Variants in PXT1 observed in about 807,000 individuals in gnomAD.
PXT1 encodes peroxisomal testis-specific protein 1.
Under a neutral mutation model 11.0 loss-of-function variants are expected in PXT1, and 11 were observed. That is an observed-to-expected ratio of 1.00 (90% confidence interval 0.63 to 1.66). The LOEUF is 1.66. Among genes scored for constraint, PXT1 ranks in the 40% most tolerant of loss-of-function variants. PXT1 has a pLI of 0.00. For missense variants in PXT1, 141 were observed against 155.5 expected, an observed-to-expected ratio of 0.91 and a Z score of 0.49; for synonymous variants, 43 against 51.4, an observed-to-expected ratio of 0.84 and a Z score of 0.70.
intron 3 of PXT1, among the ~76,000 whole-genome samples, chr6:36,423,906 G>C (rs569243726): frequency 6.6e-6 from 1 of 152,320 alleles, no homozygotes; most frequent in South Asian, 2.1e-4. Context: ...GGTAAAACGG[G>C]AGTTCTAGGC....
chr6:36,398,767 T>A (rs1357867699), intron 4 of PXT1, among the ~76,000 whole-genome samples: 2 of 152,214 alleles, frequency 1.3e-5, no homozygotes, highest in Non-Finnish European at 2.9e-5. Flanking sequence ...TTCTCATGGC[T>A]AGCTCCTTCA....
At chr6:36,398,824 G>T (rs1022112753) in intron 4 of PXT1, among the ~76,000 whole-genome samples, 1 of 150,708 alleles carries the variant, frequency 6.6e-6, no homozygotes, top group African/African-American at 2.5e-5. Context: ...TGCCTTCCCT[G>T]ACAGCCCATT....
chr6:36,396,519 C>G (rs376482557), intron 4 of PXT1, among the ~76,000 whole-genome samples: 1 of 152,224 alleles, frequency 6.6e-6, no homozygotes, highest in Admixed American at 6.5e-5. Flanking sequence ...TCCCGCATGG[C>G]GCCGGAGGCA....
chr6:36,417,427 G>A (rs928729441), intron 3 of PXT1, among the ~76,000 whole-genome samples: 6 of 151,696 alleles, frequency 4.0e-5, no homozygotes, highest in East Asian at 1.9e-4. Context: ...GCCATGTCAC[G>A]GAGTCAATGA....
intron 3 of PXT1, among the ~76,000 whole-genome samples, chr6:36,412,865 A>T (rs1435737718): frequency 2.0e-5 from 3 of 152,030 alleles, no homozygotes; most frequent in African/African-American, 7.2e-5. Context: ...AAAAAATATG[A>T]TCGCCAAAAT....
intron 3 of PXT1, among the ~76,000 whole-genome samples, chr6:36,401,047 T>C (rs1040253572): frequency 3.9e-5 from 6 of 151,968 alleles, no homozygotes; most frequent in African/African-American, 1.5e-4. Flanking sequence ...ATAGATCAGC[T>C]CTCTCCAATA....
At chr6:36,401,411 A>G (rs2127410785) in intron 3 of PXT1, among the ~76,000 whole-genome samples, 1 of 152,242 alleles carries the variant, frequency 6.6e-6, no homozygotes. Context: ...AACTGGGAGG[A>G]TCACTTGAGC....
chr6:36,401,524 G>A (rs557789049), intron 3 of PXT1, among the ~76,000 whole-genome samples: 2 of 151,818 alleles, frequency 1.3e-5, no homozygotes, highest in East Asian at 3.9e-4. Context: ...AGCTGACATG[G>A]GAGAATTGCT....
chr6:36,418,427 T>A (rs540792791), intron 3 of PXT1, among the ~76,000 whole-genome samples: 1 of 152,280 alleles, frequency 6.6e-6, no homozygotes, highest in Admixed American at 6.5e-5. Context: ...TTGTATTCAT[T>A]CATTTATTCA....
intron 3 of PXT1, among the ~76,000 whole-genome samples, chr6:36,407,957 C>CTTT (rs61251776): frequency 7.3e-6 from 1 of 136,148 alleles, no homozygotes; most frequent in Non-Finnish European, 1.6e-5. Flanking sequence ...CTTTTTCTTT[C>CTTT]TTTTTTTTTT....
chr6:36,431,548 C>T (rs1424767530), intron 2 of PXT1, among the ~76,000 whole-genome samples: 1 of 152,154 alleles, frequency 6.6e-6, no homozygotes, highest in African/African-American at 2.4e-5. Flanking sequence ...GGGCTGATCA[C>T]TTGAGATCAG....
chr6:36,429,134 C>T (rs1435019892), intron 2 of PXT1, among the ~76,000 whole-genome samples: 4 of 146,398 alleles, frequency 2.7e-5, no homozygotes, highest in Admixed American at 7.0e-5. Context: ...CTAGTGGTTG[C>T]GCACACCTGT....
chr6:36,414,059 T>G (rs1326114987), intron 3 of PXT1, among the ~76,000 whole-genome samples: 1 of 152,190 alleles, frequency 6.6e-6, no homozygotes, highest in Non-Finnish European at 1.5e-5. Flanking sequence ...TTTGCACACA[T>G]GCAAGGACTC....
At chr6:36,396,980 G>A (rs760877244) in intron 4 of PXT1, among the ~76,000 whole-genome samples, 6 of 113,476 alleles carry the variant, frequency 5.3e-5, no homozygotes, top group Non-Finnish European at 1.3e-4. Context: ...GCAAAGAGGA[G>A]CTACTCTCTC....
At chr6:36,428,217 G>A (rs183964091) in intron 2 of PXT1, among the ~76,000 whole-genome samples, 4 of 152,168 alleles carry the variant, frequency 2.6e-5, no homozygotes, top group East Asian at 1.9e-4. Context: ...AGGCTGAGGC[G>A]GGCGGATCAT....
At chr6:36,395,116 T>G (rs941479293) in intron 4 of PXT1, among the ~76,000 whole-genome samples, 2 of 152,170 alleles carry the variant, frequency 1.3e-5, no homozygotes, top group African/African-American at 4.8e-5. Context: ...TGAGCCACTG[T>G]GCCCGGCCTA....
At chr6:36,401,958 A>G (rs1270476832) in intron 3 of PXT1, among the ~76,000 whole-genome samples, 1 of 135,342 alleles carries the variant, frequency 7.4e-6, no homozygotes. Context: ...GTATACATGC[A>G]TATATATATA....
At chr6:36,437,456 T>C (rs1225992447) in intron 2 of PXT1, among the ~76,000 whole-genome samples, 3 of 151,976 alleles carry the variant, frequency 2.0e-5, no homozygotes, top group Non-Finnish European at 4.4e-5. Flanking sequence ...CCAGTTATAA[T>C]GATCTGAATC....
intron 3 of PXT1, among the ~76,000 whole-genome samples, chr6:36,404,302 TG>T (rs1226104614): frequency 6.6e-6 from 1 of 152,224 alleles, no homozygotes; most frequent in African/African-American, 2.4e-5. Flanking sequence ...TATACAATGG[TG>T]GTCTCATAAG....
Sources: gnomAD v4.1 joint callset for allele counts (sites outside exome capture counted in the v4.1 genomes callset) on GRCh38, gnomAD v4.1.1 for gene constraint, MANE v1.5 for transcripts, NCBI Gene and HGNC (gene_info 2026-07-23, HGNC 2026-07-21) for gene names.